Variants in RBM45 observed in about 807,000 individuals in gnomAD.
RBM45 encodes RNA-binding protein 45.
Under a neutral mutation model 58.5 loss-of-function variants are expected in RBM45, and 39 were observed. That is an observed-to-expected ratio of 0.67 (90% CI 0.52 to 0.87). The LOEUF is 0.87. Ranked by LOEUF, RBM45 falls within the 40% of genes least tolerant of loss-of-function variation. RBM45 has a pLI of 0.00. For synonymous variants in RBM45, 193 were observed against 203.0 expected, an observed-to-expected ratio of 0.95 and a Z score of 0.42; for missense variants, 481 against 581.6, an observed-to-expected ratio of 0.83 and a Z score of 1.78.
chr2:178,134,666 A>G (rs558069396), intron 3 of RBM45, among the ~76,000 whole-genome samples: 2 of 152,212 alleles, frequency 1.3e-5, no homozygotes, highest in Admixed American at 1.3e-4. Flanking sequence ...ATATAAAAAT[A>G]TGTAATTTCA....
downstream of RBM45, among the ~76,000 whole-genome samples, chr2:178,131,477 A>C (rs953046863): frequency 6.6e-6 from 1 of 152,206 alleles, no homozygotes; most frequent in Admixed American, 6.5e-5. Flanking sequence ...TGAATCTGTC[A>C]CATGGTAGCT....
downstream of RBM45, among the ~76,000 whole-genome samples, chr2:178,130,466 C>T (rs1423911487): frequency 2.6e-5 from 4 of 151,918 alleles, no homozygotes; most frequent in Admixed American, 2.0e-4. Context: ...CCGAGGCTAC[C>T]GTGAGCCACA....
intron 3 of RBM45, among the ~76,000 whole-genome samples, chr2:178,118,571 A>T (rs540299527): frequency 6.6e-6 from 1 of 152,162 alleles, no homozygotes; most frequent in South Asian, 2.1e-4. Flanking sequence ...ATAAAGTATA[A>T]CTAATAAACC....
At chr2:178,135,802 A>G (rs549933099) in intron 3 of RBM45, among the ~76,000 whole-genome samples, 180 of 152,226 alleles carry the variant, frequency 1.2e-3, no homozygotes, top group Non-Finnish European at 2.1e-3. Flanking sequence ...GTGTAAATAC[A>G]AGCCTCTGCA....
chr2:178,115,407 C>G (rs1236845944), intron 1 of RBM45, among the ~76,000 whole-genome samples: 1 of 151,994 alleles, frequency 6.6e-6, no homozygotes, highest in African/African-American at 2.4e-5. Flanking sequence ...ATACTTAAAG[C>G]TTCCCTATTT....
chr2:178,119,648 A>G (rs889582212), intron 3 of RBM45, among the ~76,000 whole-genome samples: 2 of 152,240 alleles, frequency 1.3e-5, no homozygotes, highest in African/African-American at 4.8e-5. Flanking sequence ...GGCTGGTTTT[A>G]TCCTTTTTTT....
At position 178,118,316 on chromosome 2, in the gene RBM45, C is replaced by T. The variant is rs527327527; in HGVS notation, c.550+135C>T. The T allele has an allele frequency of 1.9e-4, 166 of 865,888 alleles. No individual in the cohort carries two copies. In the African/African-American group the frequency reaches 2.5e-3, roughly 13 times the overall value. The allele number at this position is 865,888 out of a possible 1,614,324, so 53.6% of individuals were successfully genotyped here. On this transcript the variant is annotated intron_variant, in intron 3 of 9. Coordinates refer to ENST00000286070, the MANE Select transcript of RBM45 (RefSeq NM_152945.4). ...TTAGCAGTGGGTATTTAAATATTTA[C>T]AGTCCAAGGAAGAAAAATATTTTGG...
intron 1 of RBM45, among the ~76,000 whole-genome samples, chr2:178,113,255 A>G (rs1490252702): frequency 6.6e-6 from 1 of 152,172 alleles, no homozygotes; most frequent in Non-Finnish European, 1.5e-5. Context: ...TAAAAAACGG[A>G]AAAACTCTAC....
At chr2:178,128,193 T>G (rs2087959904) in intron 9 of RBM45, among the ~76,000 whole-genome samples, 1 of 151,560 alleles carries the variant, frequency 6.6e-6, no homozygotes, top group African/African-American at 2.4e-5. Flanking sequence ...TAAGACAGGG[T>G]TTTGCCGTGT....
At chr2:178,120,566 C>G (rs2087836472) in intron 4 of RBM45, among the ~76,000 whole-genome samples, 157 bp downstream of exon 4, 1 of 151,952 alleles carries the variant, frequency 6.6e-6, no homozygotes, top group Non-Finnish European at 1.5e-5. Flanking sequence ...GATTATGACT[C>G]CTAAAGTTCT....
chr2:178,131,754 G>T (rs1216491645), downstream of RBM45, among the ~76,000 whole-genome samples: 9 of 152,206 alleles, frequency 5.9e-5, no homozygotes, highest in South Asian at 2.1e-4. Context: ...GCTTACTTCA[G>T]CTTCAGAGTG....
At chr2:178,116,710 T>C (rs368982839) in intron 2 of RBM45, among the ~76,000 whole-genome samples, 3 of 152,186 alleles carry the variant, frequency 2.0e-5, no homozygotes, top group Admixed American at 2.0e-4. Context: ...GAGCTATGAT[T>C]TAAACCCAGG....
intron 2 of RBM45, among the ~76,000 whole-genome samples, chr2:178,117,144 CAAGA>C (rs1055997706): frequency 6.6e-6 from 1 of 151,920 alleles, no homozygotes; most frequent in Non-Finnish European, 1.5e-5. Flanking sequence ...TGGCAACAAG[CAAGA>C]AAGAAAACAA....
At chr2:178,113,927 T>C (rs938595251) in intron 1 of RBM45, among the ~76,000 whole-genome samples, 47 of 152,192 alleles carry the variant, frequency 3.1e-4, no homozygotes, top group African/African-American at 9.4e-4. Flanking sequence ...GATATTTCAG[T>C]CTCTGGAGGT....
Position 178,125,997 on chromosome 2 carries a change from C to T in RBM45, c.1246C>T (p.Leu416=). ...ACTTTGTTTCAGTCGTTTTGGTAAC[C>T]TGATCGAAGTTTACCTTGTGTCAGG... ...LEDIFCRFGN[L]IEVYLVSGKN... The change falls in exon 9 of 10, where the codon CTG becomes TTG. Residue 416 remains leucine (L), a synonymous_variant. Transcript: ENST00000286070. 6.2e-7 allele frequency: 1 copy of T among 1,613,080 alleles called. No homozygotes were observed. Among genetic ancestry groups the T allele is most frequent in the Non-Finnish European group, 8.5e-7 (1 of 1,179,488 alleles).
chr2:178,126,025 A>G lies in RBM45; in HGVS notation c.1274A>G (p.Lys425Arg). 1.9e-6 allele frequency: 3 copies of G among 1,613,924 alleles called. No homozygotes were observed. The highest frequency in any genetic ancestry group is 2.5e-6 in the Non-Finnish European group (3 of 1,179,938). ...ATCGAAGTTTACCTTGTGTCAGGAA[A>G]AAATGTGGGGTATGCCAAGTATGCC... is the stretch of plus-strand genomic sequence containing the variant. ...NLIEVYLVSG[K>R]NVGYAKYADR... Residue 425 changes from lysine (K) to arginine (R), a missense_variant, in exon 9 of 10, where the codon AAA becomes AGA. Transcript: ENST00000286070.
chr2:178,131,587 G>A (rs2088006304), downstream of RBM45, among the ~76,000 whole-genome samples: 3 of 152,082 alleles, frequency 2.0e-5, no homozygotes, highest in South Asian at 6.2e-4. Flanking sequence ...AAACAGTTGT[G>A]GTAAGAGTAA....
intron 8 of RBM45, 129 bp from the exon 9 acceptor site, chr2:178,125,855 G>A: frequency 1.4e-6 from 1 of 727,276 alleles, no homozygotes; most frequent in Non-Finnish European, 2.5e-6. Context: ...AGATGTTTAA[G>A]ATTGACATGA....
chr2:178,114,435 C>G (rs1269096908), intron 1 of RBM45, among the ~76,000 whole-genome samples: 2 of 152,178 alleles, frequency 1.3e-5, no homozygotes, highest in Non-Finnish European at 2.9e-5. Context: ...AGGCCCAACA[C>G]CGAAATGTAC....
Sources: allele counts gnomAD v4.1 joint callset (sites outside exome capture counted in the v4.1 genomes callset), GRCh38; gene constraint gnomAD v4.1.1; transcripts MANE v1.5; gene names NCBI Gene and HGNC (gene_info 2026-07-23, HGNC 2026-07-21).